The following ANKRD30BL variants were observed in gnomAD, a reference collection of about 807,000 sequenced individuals.
ANKRD30BL encodes putative ankyrin repeat domain-containing protein 30B-like.
In ANKRD30BL, 20 loss-of-function variants were observed where a neutral mutation model predicts 18.4. That is an observed-to-expected ratio of 1.09 (90% CI 0.77 to 1.58). The LOEUF (loss-of-function observed/expected upper bound fraction) is 1.58. Among genes scored for constraint, ANKRD30BL ranks in the 40% most tolerant of loss-of-function variants. The probability of loss-of-function intolerance (pLI) is 0.00; values close to 1 mark genes in which losing one functional copy is unlikely to be tolerated. For synonymous variants in ANKRD30BL, 72 were observed against 100.9 expected (o/e 0.71, Z 1.72); for missense variants, 224 against 268.6 (o/e 0.83, Z 1.16).
chr2:132,255,096 A>G (rs1680791420), intron 1 of ANKRD30BL, among the ~76,000 whole-genome samples: 1 of 152,246 alleles, frequency 6.6e-6, no homozygotes. Flanking sequence ...GGTCATGGGA[A>G]TAACACCGCC....
chr2:132,170,880 G>A (rs1338835591), intron 1 of ANKRD30BL, among the ~76,000 whole-genome samples: 2 of 152,136 alleles, frequency 1.3e-5, no homozygotes, highest in Admixed American at 1.3e-4. Flanking sequence ...CTTGGAGGCC[G>A]AGCCGGTGGC....
chr2:132,203,163 A>G (rs1431574876), intron 1 of ANKRD30BL, among the ~76,000 whole-genome samples: 3 of 152,306 alleles, frequency 2.0e-5, no homozygotes, highest in African/African-American at 4.8e-5. Flanking sequence ...TTCTAGACCA[A>G]GGGGTAGGTA....
chr2:132,153,710 G>A (rs921321037), intron 4 of ANKRD30BL: 10 of 1,201,258 alleles, frequency 8.3e-6, no homozygotes, highest in African/African-American at 3.1e-5. Context: ...ATAACAAAGA[G>A]ATAACTTCAT....
At chr2:132,175,198 T>TCA (rs1688341373) in intron 1 of ANKRD30BL, among the ~76,000 whole-genome samples, 1 of 122,428 alleles carries the variant, frequency 8.2e-6, no homozygotes, top group African/African-American at 3.3e-5. Context: ...CCCTCAGTTT[T>TCA]TATTATTATT....
rs966519722 is a variant in ANKRD30BL, at chr2:132,240,999, A to C, written n.441+16530T>G. On this transcript the variant is annotated intron_variant and non_coding_transcript_variant, in intron 1 of 4. Transcript: ENST00000470729. ...TTTGAGGCTTTCTTTGGAAATGGGA[A>C]TATCTTCACATAAAAACTAGACAGA... Among the ~76,000 whole-genome samples the C allele has an allele frequency of 7.3e-5, 11 of 150,154 alleles. No individual in the cohort carries two copies. In the East Asian group the frequency reaches 2.2e-3, roughly 30 times the overall value.
intron 1 of ANKRD30BL, among the ~76,000 whole-genome samples, chr2:132,240,946 A>G (rs1293726643): frequency 6.6e-6 from 1 of 151,894 alleles, no homozygotes; most frequent in Non-Finnish European, 1.5e-5. Flanking sequence ...CTCTTTTTGT[A>G]GAATCTGCAA....
intron 1 of ANKRD30BL, among the ~76,000 whole-genome samples, chr2:132,231,789 C>A (rs1427990416): frequency 2.6e-5 from 4 of 152,346 alleles, no homozygotes; most frequent in African/African-American, 7.2e-5. Flanking sequence ...CCCAGGCTTG[C>A]TTAGGTAAAC....
intron 1 of ANKRD30BL, among the ~76,000 whole-genome samples, chr2:132,239,600 G>A (rs796894123): frequency 3.2e-4 from 49 of 150,998 alleles, no homozygotes; most frequent in African/African-American, 1.2e-3. Flanking sequence ...AAGTGGATAT[G>A]TGGATAGCTT....
chr2:132,182,429 C>G (rs1292394403), intron 1 of ANKRD30BL, among the ~76,000 whole-genome samples: 3 of 151,224 alleles, frequency 2.0e-5, no homozygotes, highest in African/African-American at 4.9e-5. Flanking sequence ...TTGCAGTGAG[C>G]CAAGACTGCA....
At chr2:132,169,736 A>T (rs1210327403) in intron 1 of ANKRD30BL, among the ~76,000 whole-genome samples, 1 of 151,776 alleles carries the variant, frequency 6.6e-6, no homozygotes, top group African/African-American at 2.4e-5. Flanking sequence ...GAAATTGCAG[A>T]GGTATATGCC....
rs529684989 is a variant in ANKRD30BL at position 132,214,730 on chromosome 2, C to G, written n.441+42799G>C. Among the ~76,000 whole-genome samples the G allele has an allele frequency of 1.2e-4, 18 of 151,900 alleles. No homozygotes were observed. The East Asian group carries it at 3.5e-3, about 29-fold the overall frequency. Reference sequence around the variant, plus strand: ...CTTTCTTTGCGATGTGTGCATTCATCTCACAGAGCTGAACCTTTCTTTTGA... The same window carrying G: ...CTTTCTTTGCGATGTGTGCATTCATGTCACAGAGCTGAACCTTTCTTTTGA... On this transcript the variant is annotated intron_variant and non_coding_transcript_variant, in intron 1 of 4. Coordinates refer to the ANKRD30BL transcript ENST00000470729.
At chr2:132,195,884 G>A (rs1004299338) in intron 1 of ANKRD30BL, among the ~76,000 whole-genome samples, 135 of 151,270 alleles carry the variant, frequency 8.9e-4, no homozygotes, top group African/African-American at 3.2e-3. Context: ...GCTCACTCCT[G>A]TAATTCCAGC....
chr2:132,221,037 G>A (rs1475470289), intron 1 of ANKRD30BL, among the ~76,000 whole-genome samples: 2,813 of 140,984 alleles, frequency 0.02, 12 homozygotes, highest in African/African-American at 0.076. Flanking sequence ...TGTGAGGAGC[G>A]CCTCTGCCCG....
chr2:132,252,572 G>T (rs1176971586), intron 1 of ANKRD30BL, among the ~76,000 whole-genome samples: 1 of 152,052 alleles, frequency 6.6e-6, no homozygotes, highest in South Asian at 2.1e-4. Flanking sequence ...CGAGGAGGAC[G>T]GTGCCTCAGA....
chr2:132,174,457 C>T (rs1371128032), intron 1 of ANKRD30BL, among the ~76,000 whole-genome samples: 1 of 152,136 alleles, frequency 6.6e-6, no homozygotes, highest in African/African-American at 2.4e-5. Flanking sequence ...GGGACAGCAT[C>T]ATACCCAGTA....
intron 1 of ANKRD30BL, among the ~76,000 whole-genome samples, chr2:132,232,074 C>A (rs1392542946): frequency 6.6e-6 from 1 of 152,192 alleles, no homozygotes; most frequent in Non-Finnish European, 1.5e-5. Flanking sequence ...AGCAGGGGCA[C>A]ACTGACACCT....
Position 132,240,161 on chromosome 2 carries a change from A to G in ANKRD30BL, n.441+17368T>C, listed in dbSNP as rs570295474. Among the ~76,000 whole-genome samples the G allele has an allele frequency of 1.5e-3, 225 of 151,932 alleles. 2 individuals are homozygous for G. The highest frequency in any genetic ancestry group is 2.5e-3 in the Non-Finnish European group (173 of 67,846). ...AAAAAGGTAATATCTTCACATAAAA[A>G]CTAGATAGAAGCATTCTCAGAAACT... On this transcript the variant is annotated intron_variant and non_coding_transcript_variant, in intron 1 of 4. Coordinates refer to the ANKRD30BL transcript ENST00000470729.
chr2:132,251,793 C>T (rs1680655775), intron 1 of ANKRD30BL, among the ~76,000 whole-genome samples: 1 of 152,246 alleles, frequency 6.6e-6, no homozygotes, highest in African/African-American at 2.4e-5. Context: ...TGCATTCACT[C>T]TTTCTCTCTG....
In ANKRD30BL at chr2:132,161,618, C is replaced by T. The variant is rs1558914912; in HGVS notation, c.88G>A (p.Asp30Asn). Residue 30 changes from aspartate (D) to asparagine (N), a missense_variant, in exon 1 of 6, where the codon GAC becomes AAC. Transcript: ENST00000409867. ...PFSQLVYTNN[D>N]SYVIHHGDLR... ...TCCCCATGGTGAATCACGTAAGAGT[C>T]GTTGTTGGTGTAGACCAGCTGACTG... The T allele has an allele frequency of 1.4e-6, 2 of 1,452,746 alleles. No individual in the cohort carries two copies. Among genetic ancestry groups the T allele is most frequent in the South Asian group, 1.2e-5 (1 of 81,958 alleles). 90.0% of individuals were successfully genotyped at this position (1,452,746 alleles called of 1,614,324 possible).
Sources: allele counts gnomAD v4.1 joint callset (sites outside exome capture counted in the v4.1 genomes callset), GRCh38; gene constraint gnomAD v4.1.1; transcripts MANE v1.5; gene names NCBI Gene and HGNC (gene_info 2026-07-23, HGNC 2026-07-21).